The following UNC79 variants were observed in gnomAD, a reference collection of about 807,000 sequenced individuals.
UNC79 encodes the protein protein unc-79 homolog.
UNC79 carries 37 observed loss-of-function variants against 283.1 expected under a neutral mutation model. The ratio of observed to expected loss-of-function variants is 0.13; its 90% CI spans 0.10 to 0.17. The LOEUF is 0.17. UNC79 is among the 10% of genes least tolerant of loss of function. UNC79 has a pLI of 1.00. For missense variants in UNC79, 2,272 were observed against 3,211.1 expected, an observed-to-expected ratio of 0.71 and a Z score of 7.07; for synonymous variants, 1,107 against 1,200.2, an observed-to-expected ratio of 0.92 and a Z score of 1.61.
chr14:93,417,098 T>G (rs1566922341), intron 1 of UNC79, among the ~76,000 whole-genome samples: 1 of 152,236 alleles, frequency 6.6e-6, no homozygotes, highest in Non-Finnish European at 1.5e-5. Context: ...CGTTAGTTGA[T>G]CCAGTTTCTT....
intron 4 of UNC79, among the ~76,000 whole-genome samples, chr14:93,481,446 G>A (rs913962922): frequency 3.3e-5 from 5 of 152,102 alleles, no homozygotes; most frequent in Admixed American, 2.6e-4. Context: ...AACATTGACT[G>A]ATGCAGGCTA....
intron 7 of UNC79, among the ~76,000 whole-genome samples, chr14:93,512,249 C>T (rs1159249139): frequency 2.0e-5 from 3 of 152,110 alleles, no homozygotes; most frequent in African/African-American, 4.8e-5. Context: ...TAGGAAATTA[C>T]ATATTATTCT....
chr14:93,541,690 A>G (rs1296011651), intron 13 of UNC79, among the ~76,000 whole-genome samples: 2 of 152,216 alleles, frequency 1.3e-5, no homozygotes, highest in Admixed American at 6.5e-5. Context: ...TTCATAGTAA[A>G]TGAATGAATG....
rs561718234 is a variant in UNC79 at position 93,635,391 on chromosome 14, A to C, written c.5717-1825A>C. Among the ~76,000 whole-genome samples, 4 of 152,266 alleles carry C rather than the reference A, an allele frequency of 2.6e-5. No individual in the cohort carries two copies. In the East Asian group the frequency reaches 7.7e-4, roughly 29 times the overall value. On this transcript the variant is annotated intron_variant, in intron 31 of 48. Transcript: ENST00000555664. ...TATGTGAAAACACCTTGCAACATGC[A>C]TGCACCACTAAAATGTAAGGGCTTA...
chr14:93,591,132 G>A (rs995314843), intron 22 of UNC79, among the ~76,000 whole-genome samples: 1 of 152,086 alleles, frequency 6.6e-6, no homozygotes, highest in African/African-American at 2.4e-5. Context: ...TAAGCATATG[G>A]CATTTAAAAA....
At chr14:93,354,217 AGAT>A (rs1377175671) in intron 1 of UNC79, among the ~76,000 whole-genome samples, 6 of 152,184 alleles carry the variant, frequency 3.9e-5, no homozygotes, top group Admixed American at 1.3e-4. Flanking sequence ...TGATATGAGA[AGAT>A]GATGATGGGC....
intron 1 of UNC79, among the ~76,000 whole-genome samples, chr14:93,382,879 G>A (rs1335136270): frequency 6.6e-6 from 1 of 152,052 alleles, no homozygotes; most frequent in Non-Finnish European, 1.5e-5. Flanking sequence ...CACTCCATGA[G>A]GATACAAAAA....
intron 12 of UNC79, among the ~76,000 whole-genome samples, chr14:93,539,756 G>A (rs1167512547): frequency 6.6e-6 from 1 of 152,026 alleles, no homozygotes; most frequent in Non-Finnish European, 1.5e-5. Context: ...TTATTTAAAT[G>A]TATGTTTCAT....
At chr14:93,482,758 C>T (rs961491002) in intron 4 of UNC79, among the ~76,000 whole-genome samples, 6 of 152,182 alleles carry the variant, frequency 3.9e-5, no homozygotes, top group East Asian at 1.9e-4. Flanking sequence ...CAGTAGCTTC[C>T]GAACTGGTCT....
chr14:93,421,945 A>T (rs892809544), intron 1 of UNC79, among the ~76,000 whole-genome samples: 1 of 151,868 alleles, frequency 6.6e-6, no homozygotes, highest in Non-Finnish European at 1.5e-5. Context: ...AAAGCATTTG[A>T]TAAAATTCAA....
intron 1 of UNC79, among the ~76,000 whole-genome samples, chr14:93,337,152 C>G (rs1396448360): frequency 1.3e-5 from 2 of 152,170 alleles, no homozygotes; most frequent in African/African-American, 4.8e-5. Flanking sequence ...CGCCCACAGA[C>G]CAATTAGCAT....
rs543026581 is a variant in UNC79, at chr14:93,403,940, G to C, written c.-350-63731G>C. On this transcript the variant is annotated intron_variant, in intron 1 of 49. Transcript: ENST00000256339. ...CCACTTAAATATCACCTAACAGTGT[G>C]GGCAAAAAACATTTGCAGATACATA... Among the ~76,000 whole-genome samples, 4 of 150,172 alleles carry C rather than the reference G, an allele frequency of 2.7e-5. No individual in the cohort carries two copies. In the South Asian group the frequency reaches 8.4e-4, roughly 31 times the overall value.
chr14:93,380,810 T>C (rs943547615), intron 1 of UNC79, among the ~76,000 whole-genome samples: 2 of 152,184 alleles, frequency 1.3e-5, no homozygotes, highest in African/African-American at 4.8e-5. Context: ...TATACTCATG[T>C]TTTTGCCAAA....
At chr14:93,636,006 T>C (rs2068477814) in intron 31 of UNC79, among the ~76,000 whole-genome samples, 1 of 152,218 alleles carries the variant, frequency 6.6e-6, no homozygotes, top group Non-Finnish European at 1.5e-5. Context: ...GCTCTGAAGA[T>C]GATTTTTACC....
At chr14:93,497,054 C>G in intron 6 of UNC79, 103 bp from the exon 7 acceptor site, 2 of 1,324,000 alleles carry the variant, frequency 1.5e-6, no homozygotes, top group Non-Finnish European at 1.0e-6. Flanking sequence ...TTACTCACCT[C>G]AATCCCTCCA....
intron 20 of UNC79, among the ~76,000 whole-genome samples, chr14:93,583,607 A>G (rs1044833733): frequency 3.9e-5 from 6 of 152,210 alleles, no homozygotes; most frequent in Admixed American, 2.0e-4. Context: ...ATTTGAAGGA[A>G]TACCTGAGGT....
rs564324810 is a variant in UNC79 at position 93,530,675 on chromosome 14, C to T, written c.1093+1349C>T. On this transcript the variant is annotated intron_variant, in intron 10 of 48. Coordinates refer to ENST00000555664, the Ensembl canonical transcript of UNC79. ...CTGTAATCCCAGCACTTTGGGAGGCCGAGGTGGGCGGATCACAAGGTCAGG... is the reference window on the plus strand; with the variant it reads ...CTGTAATCCCAGCACTTTGGGAGGCTGAGGTGGGCGGATCACAAGGTCAGG... Among the ~76,000 whole-genome samples the T allele has an allele frequency of 3.9e-5, 6 of 151,978 alleles. No homozygotes were observed. The East Asian group carries it at 7.8e-4, about 20-fold the overall frequency.
At chr14:93,369,526 A>G (rs1345501638) in intron 1 of UNC79, among the ~76,000 whole-genome samples, 1 of 152,248 alleles carries the variant, frequency 6.6e-6, no homozygotes, top group Non-Finnish European at 1.5e-5. Flanking sequence ...CAGAAAAGTC[A>G]TGAACAGACA....
At chr14:93,457,674 G>A (rs2056834613) in intron 1 of UNC79, among the ~76,000 whole-genome samples, 1 of 152,212 alleles carries the variant, frequency 6.6e-6, no homozygotes, top group African/African-American at 2.4e-5. Context: ...ATTTCAATCA[G>A]CAGAAAATGA....
Sources: gnomAD v4.1 joint callset for allele counts (sites outside exome capture counted in the v4.1 genomes callset) on GRCh38, gnomAD v4.1.1 for gene constraint, MANE v1.5 for transcripts, NCBI Gene and HGNC (gene_info 2026-07-23, HGNC 2026-07-21) for gene names.